Variants in CRABP1 observed in about 807,000 individuals in gnomAD.
CRABP1 encodes cellular retinoic acid-binding protein 1.
CRABP1 carries 9 observed loss-of-function variants against 16.4 expected under a neutral mutation model. That is an observed-to-expected ratio of 0.55 (90% CI 0.33 to 0.96). The LOEUF is 0.96. Among genes scored for constraint, CRABP1 ranks in the 40% least tolerant of loss-of-function variants. The pLI is 0.03. For missense variants in CRABP1, 157 were observed against 186.0 expected, an observed-to-expected ratio of 0.84 and a Z score of 0.91; for synonymous variants, 72 against 70.4, an observed-to-expected ratio of 1.02 and a Z score of -0.11.
rs1358273724 is a variant in CRABP1, at chr15:78,341,863, C to T, written c.249+642C>T. The T allele has an allele frequency of 6.5e-6, 1 of 154,046 alleles. No homozygotes were observed. Among genetic ancestry groups the T allele is most frequent in the Admixed American group, 6.4e-5 (1 of 15,628 alleles). The allele number at this position is 154,046 out of a possible 1,614,324, so 9.5% of individuals were successfully genotyped here. A position where few individuals can be genotyped will look rare whatever the true frequency, so the allele number is the denominator to read the frequency against. ...CTCCATGCATCGGCCCAGGGATGAA[C>T]CGGTGGATTGAAGCAAGGGGTTGTA... On this transcript the variant is annotated intron_variant, in intron 2 of 3. Coordinates refer to ENST00000299529, the MANE Select transcript of CRABP1 (RefSeq NM_004378.3). This position sits in a 1 kb window ranked among gnomAD's most constrained non-coding sequence, Gnocchi z 5.3.
chr15:78,347,772 C>T (rs1177019132), intron 3 of CRABP1, 155 bp from the exon 4 acceptor site: 1 of 690,960 alleles, frequency 1.4e-6, no homozygotes, highest in African/African-American at 1.8e-5. Context: ...GAAAAAATAT[C>T]CCTTAATGCT....
intron 1 of CRABP1, 127 bp from the exon 2 acceptor site, chr15:78,340,916 G>C: frequency 1.0e-6 from 1 of 962,306 alleles, no homozygotes; most frequent in South Asian, 1.7e-5. Flanking sequence ...AAACAAGGGC[G>C]AGGGCAGGGA....
chr15:78,341,107 C>T lies in CRABP1; in HGVS notation c.135C>T (p.Arg45=). Reference sequence around the variant, plus strand: ...CGTCCAAGCCGCACGTGGAGATCCGCCAGGACGGGGATCAGTTCTACATCA... The same window carrying T: ...CGTCCAAGCCGCACGTGGAGATCCGTCAGGACGGGGATCAGTTCTACATCA... ...AAASKPHVEI[R]QDGDQFYIKT... The change falls in exon 2 of 4, where the codon CGC becomes CGT. Residue 45 remains arginine (R), a synonymous_variant. Transcript: ENST00000299529. The surrounding 1 kb of genome is among the most constrained non-coding windows in gnomAD (Gnocchi z 5.3). The T allele has an allele frequency of 6.2e-7, 1 of 1,612,942 alleles. No homozygotes were observed. The highest frequency in any genetic ancestry group is 8.5e-7 in the Non-Finnish European group (1 of 1,179,850).
chr15:78,342,891 A>T (rs2050242845), intron 2 of CRABP1, among the ~76,000 whole-genome samples: 1 of 152,052 alleles, frequency 6.6e-6, no homozygotes, highest in South Asian at 2.1e-4. Flanking sequence ...TTAAAATCCA[A>T]ATTATGTTCA....
chr15:78,344,749 C>CAAA (rs34209403), intron 3 of CRABP1, among the ~76,000 whole-genome samples: 2 of 96,876 alleles, frequency 2.1e-5, no homozygotes, highest in Non-Finnish European at 2.3e-5. Context: ...CCTATCTCTA[C>CAAA]AAAAAAAAAA....
chr15:78,343,668 A>G (rs747389663), intron 3 of CRABP1, 56 bp downstream of exon 3: 18 of 1,350,204 alleles, frequency 1.3e-5, no homozygotes, highest in Non-Finnish European at 1.6e-5. Flanking sequence ...GGGGCCCCAG[A>G]TGGGCCCCAC....
chr15:78,347,341 G>A (rs2050272275), intron 3 of CRABP1, among the ~76,000 whole-genome samples: 1 of 152,248 alleles, frequency 6.6e-6, no homozygotes, highest in Non-Finnish European at 1.5e-5. Flanking sequence ...AGCCAGCTGT[G>A]AGCTGCAGGG....
At chr15:78,347,548 G>A (rs979126385) in intron 3 of CRABP1, among the ~76,000 whole-genome samples, 25 of 152,316 alleles carry the variant, frequency 1.6e-4, no homozygotes, top group South Asian at 2.1e-4. Flanking sequence ...GACCCCAGCT[G>A]CCTGAGCTTC....
intron 2 of CRABP1, among the ~76,000 whole-genome samples, chr15:78,342,616 C>A (rs2050241485): frequency 6.6e-6 from 1 of 152,112 alleles, no homozygotes; most frequent in African/African-American, 2.4e-5. Flanking sequence ...GCATGAAGAG[C>A]CTTCAGATTG....
In CRABP1 at chr15:78,348,209, G is replaced by C. The variant is rs1253733780; in HGVS notation, c.*232G>C. The C allele has an allele frequency of 1.8e-6, 1 of 555,820 alleles. No individual in the cohort carries two copies. Among genetic ancestry groups the C allele is most frequent in the Non-Finnish European group, 3.2e-6 (1 of 314,974 alleles). 34.4% of individuals were successfully genotyped at this position (555,820 alleles called of 1,614,324 possible). A position where few individuals can be genotyped will look rare whatever the true frequency, so the allele number is the denominator to read the frequency against. ...TGCACGGTTTCGAAGTCATTAAACT[G>C]GTTAGACGTGTCTCAACCTTTTCCC... On this transcript the variant is annotated 3_prime_UTR_variant, in exon 4 of 4. Transcript: ENST00000299529.
chr15:78,342,725 G>A (rs2050241936), intron 2 of CRABP1, among the ~76,000 whole-genome samples: 1 of 152,174 alleles, frequency 6.6e-6, no homozygotes, highest in Non-Finnish European at 1.5e-5. Context: ...GTGCAGGGGT[G>A]CACTAAATCT....
chr15:78,346,993 GTTTTTTT>G (rs60882314), intron 3 of CRABP1, among the ~76,000 whole-genome samples: 8 of 140,460 alleles, frequency 5.7e-5, no homozygotes, highest in African/African-American at 1.8e-4. Flanking sequence ...TTTTGTTTTT[GTTTTTTT>G]TTTTTTTAAC....
At position 78,340,422 on chromosome 15, in the gene CRABP1, C is replaced by T. The variant is rs2050225400; in HGVS notation, c.-7C>T. ...TGTCCGTACCTGCCGCCGCCGCCAC[C>T]GCCACCATGCCCAACTTCGCCGGCA... On this transcript the variant is annotated 5_prime_UTR_variant, in exon 1 of 4. Coordinates refer to ENST00000299529, the MANE Select transcript of CRABP1 (RefSeq NM_004378.3). 2.5e-6 allele frequency: 4 copies of T among 1,591,440 alleles called. No homozygotes were observed. Among genetic ancestry groups the T allele is most frequent in the Non-Finnish European group, 2.6e-6 (3 of 1,170,808 alleles).
rs2050235288 is a variant in CRABP1 at position 78,341,567 on chromosome 15, A to T, written c.249+346A>T. 3.1e-6 allele frequency: 1 copy of T among 322,918 alleles called. No individual in the cohort carries two copies. Among genetic ancestry groups the T allele is most frequent in the South Asian group, 2.7e-5 (1 of 37,512 alleles). The allele number at this position is 322,918 out of a possible 1,614,324, so 20.0% of individuals were successfully genotyped here. A position where few individuals can be genotyped will look rare whatever the true frequency, so the allele number is the denominator to read the frequency against. On this transcript the variant is annotated intron_variant, in intron 2 of 3. Transcript: ENST00000299529. This position sits in a 1 kb window ranked among gnomAD's most constrained non-coding sequence, Gnocchi z 5.3. The stretch of plus-strand genomic sequence containing the variant: ...CGCAGGAGGAGGAGGAGGTTGCAGG[A>T]GCCGCCAGGTTCTCTGTCGCAGGTG...
rs575509030 is a variant in CRABP1, at chr15:78,340,713, ATGTT to A, written c.70+218_70+221del. 647 of 621,040 alleles carry A rather than the reference ATGTT, an allele frequency of 1.0e-3. 3 individuals carry two copies. Among genetic ancestry groups the A allele is most frequent in the African/African-American group, 0.01 (555 of 53,954 alleles). 38.5% of individuals were successfully genotyped at this position (621,040 alleles called of 1,614,324 possible). On this transcript the variant is annotated intron_variant, in intron 1 of 3. Transcript: ENST00000299529. Reference sequence around the variant, plus strand: ...CACGCGTTCAGCGAACGTTTGCTGAATGTTTGGCGCCCTCCTCGATGGTGCGGAC... The same window carrying A: ...CACGCGTTCAGCGAACGTTTGCTGAATGGCGCCCTCCTCGATGGTGCGGAC...
intron 1 of CRABP1, chr15:78,340,829 C>A: frequency 1.6e-6 from 1 of 619,230 alleles, no homozygotes; most frequent in Non-Finnish European, 2.8e-6. Flanking sequence ...AAATTTGGGA[C>A]CAGGCTCTGC....
Position 78,343,502 on chromosome 15 carries a change from T to G in CRABP1, c.253T>G (p.Leu85Val). The change falls in exon 3 of 4, where the codon TTA (leucine) becomes GTA (valine). Residue 85 changes from leucine (L) to valine (V), a missense_variant. Transcript: ENST00000299529. ...CTAATGGTTTTCCCGCCTGCAGAGT[T>G]TAGCCACTTGGGAGAATGAGAACAA... ...ETVDGRKCRS[L>V]ATWENENKIH... 5.6e-6 allele frequency: 9 copies of G among 1,613,934 alleles called. No homozygotes were observed. The highest frequency in any genetic ancestry group is 7.6e-6 in the Non-Finnish European group (9 of 1,179,836).
chr15:78,343,902 C>T (rs1343124384), intron 3 of CRABP1, among the ~76,000 whole-genome samples: 10 of 152,196 alleles, frequency 6.6e-5, no homozygotes, highest in Non-Finnish European at 7.3e-5. Flanking sequence ...ATGCTTTAAG[C>T]CAAGCTCCCC....
chr15:78,341,272 T>C lies in CRABP1; in HGVS notation c.249+51T>C, dbSNP rs756456900. 2.6e-6 allele frequency: 4 copies of C among 1,568,350 alleles called. No individual in the cohort carries two copies. The South Asian group carries it at 4.7e-5, about 18-fold the overall frequency. On this transcript the variant is annotated intron_variant, in intron 2 of 3. Transcript: ENST00000299529. The surrounding 1 kb of genome is among the most constrained non-coding windows in gnomAD (Gnocchi z 5.3). ...TCCCCGTGTCCCCGCTCGGTGCCCA[T>C]GGCCCACTGCTGCTGGAGGAACCTG...
Sources: gnomAD v4.1 joint callset for allele counts (sites outside exome capture counted in the v4.1 genomes callset) on GRCh38, gnomAD v4.1.1 for gene constraint, Gnocchi (gnomAD v3.1) non-coding constraint, MANE v1.5 for transcripts, NCBI Gene and HGNC (gene_info 2026-07-23, HGNC 2026-07-21) for gene names.